The following RECQL5 variants were observed in gnomAD, a reference collection of about 807,000 sequenced individuals.
RECQL5 encodes the protein ATP-dependent DNA helicase Q5.
A neutral mutation model predicts 103.4 loss-of-function variants in RECQL5; 88 were observed. The observed-to-expected ratio is 0.85, with a 90% CI of 0.72 to 1.02. The LOEUF is 1.02. RECQL5 is among the 50% of genes least tolerant of loss of function. The pLI is 0.00. For missense variants in RECQL5, 1,232 were observed against 1,284.3 expected (o/e 0.96, Z 0.62); for synonymous variants, 552 against 507.9 (o/e 1.09, Z -1.17).
At chr17:75,654,021 A>G (rs1453526369) in intron 7 of RECQL5, among the ~76,000 whole-genome samples, 1 of 152,150 alleles carries the variant, frequency 6.6e-6, no homozygotes. Context: ...AATACACACA[A>G]ATACACACAG....
intron 7 of RECQL5, 41 bp downstream of exon 7, chr17:75,658,257 G>T: frequency 6.3e-7 from 1 of 1,591,862 alleles, no homozygotes; most frequent in South Asian, 1.1e-5. Flanking sequence ...ACTGGAGAGT[G>T]GTGGGTCAGA....
chr17:75,659,880 C>T (rs973852108), intron 6 of RECQL5, among the ~76,000 whole-genome samples: 2 of 152,174 alleles, frequency 1.3e-5, no homozygotes, highest in African/African-American at 4.8e-5. Context: ...ATATAAAAGA[C>T]TTCCTATTAG....
intron 2 of RECQL5, among the ~76,000 whole-genome samples, chr17:75,665,969 A>C (rs2059771806): frequency 6.6e-6 from 1 of 152,214 alleles, no homozygotes; most frequent in African/African-American, 2.4e-5. Context: ...CAAGGGAATT[A>C]CCTAGGAGGC....
intron 12 of RECQL5, 23 bp from the exon 13 acceptor site, chr17:75,630,715 G>A (rs1268258743): frequency 1.9e-6 from 3 of 1,611,070 alleles, no homozygotes; most frequent in Non-Finnish European, 2.5e-6. Flanking sequence ...AGTGAGACTG[G>A]TCGCATGGCC....
chr17:75,642,497 G>A (rs1169797029), intron 8 of RECQL5, among the ~76,000 whole-genome samples: 1 of 152,184 alleles, frequency 6.6e-6, no homozygotes, highest in Non-Finnish European at 1.5e-5. Flanking sequence ...TCACTTTCTA[G>A]TGTCCACGGA....
intron 4 of RECQL5, 71 bp from the exon 5 acceptor site, chr17:75,661,779 T>G: frequency 8.7e-7 from 1 of 1,149,124 alleles, no homozygotes; most frequent in Non-Finnish European, 1.3e-6. Flanking sequence ...TAATGCACCC[T>G]GCTCTAAAAG....
Position 75,630,813 on chromosome 17 carries a change from G to C in RECQL5, c.1610C>G (p.Ala537Gly), listed in dbSNP as rs1002013514. 7.4e-7 allele frequency: 1 copy of C among 1,343,010 alleles called. No homozygotes were observed. Among genetic ancestry groups the C allele is most frequent in the Non-Finnish European group, 9.9e-7 (1 of 1,006,422 alleles). 83.2% of individuals were successfully genotyped at this position (1,343,010 alleles called of 1,614,324 possible). Reference sequence around the variant, plus strand: ...CAGCCTGGGGATCCTCCTGCTAGAAGCCTCTTTCAGGGGACAGTTCTCATC... The same window carrying C: ...CAGCCTGGGGATCCTCCTGCTAGAACCCTCTTTCAGGGGACAGTTCTCATC... ...PPDENCPLKE[A>G]SSRRIPRLTV... The change falls in exon 12 of 20, where the codon GCT (alanine) becomes GGT (glycine). Residue 537 changes from alanine (A) to glycine (G), a missense_variant. By Grantham distance (60) the Ala-to-Gly change is moderately conservative. Coordinates refer to ENST00000317905, the MANE Select transcript of RECQL5 (RefSeq NM_004259.7).
At chr17:75,663,103 C>A (rs2059720846) in intron 3 of RECQL5, 106 bp from the exon 4 acceptor site, 1 of 1,080,848 alleles carries the variant, frequency 9.3e-7, no homozygotes, top group Non-Finnish European at 1.3e-6. Context: ...TCCCACCCTC[C>A]AATATATATT....
rs889374017 is a variant in RECQL5, at chr17:75,656,821, T to G, written c.1149+1477A>C. Among the ~76,000 whole-genome samples, 7 of 149,758 alleles carry G rather than the reference T, an allele frequency of 4.7e-5. 1 individual carries two copies. The highest frequency in any genetic ancestry group is 1.5e-4 in the African/African-American group (6 of 40,624). On this transcript the variant is annotated intron_variant, in intron 7 of 19. Coordinates refer to ENST00000317905, the MANE Select transcript of RECQL5 (RefSeq NM_004259.7). ...GTGCAGAGGCGTGATCTCGGCTCAC[T>G]GCAAGCTCTGCCTCCTGGGTTCACG...
chr17:75,657,945 G>A (rs2059647908), intron 7 of RECQL5, among the ~76,000 whole-genome samples: 1 of 152,004 alleles, frequency 6.6e-6, no homozygotes, highest in African/African-American at 2.4e-5. Context: ...TTACTCAGGA[G>A]GCTGAGGCAG....
intron 3 of RECQL5, among the ~76,000 whole-genome samples, chr17:75,664,750 T>C (rs1259502092): frequency 6.6e-6 from 1 of 151,332 alleles, no homozygotes; most frequent in African/African-American, 2.4e-5. Flanking sequence ...TCATCTCTAC[T>C]AAAAATACAA....
In RECQL5 at chr17:75,662,933, G is replaced by A; in HGVS notation, c.317C>T (p.Ala106Val). Reference protein sequence around the residue: ...RVSSLNSKLSAQERKELLADL... With the variant: ...RVSSLNSKLSVQERKELLADL... ...AGCAAGCAGCTCCTTCCTTTCCTGT[G>A]CAGAGAGCTTCGAGTTCAGGGAACT... Residue 106 changes from alanine to valine, a missense_variant, in exon 4 of 20, where the codon GCA becomes GTA. Coordinates refer to ENST00000317905, the MANE Select transcript of RECQL5 (RefSeq NM_004259.7). 5 of 1,614,072 alleles carry A rather than the reference G, an allele frequency of 3.1e-6. No homozygotes were observed. The highest frequency in any genetic ancestry group is 4.2e-6 in the Non-Finnish European group (5 of 1,180,000).
rs374661348 is a variant in RECQL5, at chr17:75,662,985, G to C, written c.265C>G (p.His89Asp). 3.1e-6 allele frequency: 5 copies of C among 1,599,636 alleles called. No homozygotes were observed. Among genetic ancestry groups the C allele is most frequent in the Non-Finnish European group, 4.3e-6 (5 of 1,172,462 alleles). The change falls in exon 4 of 20, where the codon CAC becomes GAC. Residue 89 changes from histidine (H) to aspartate (D), a missense_variant. Physicochemically the swap from His to Asp is moderately conservative, Grantham distance 81. Transcript: ENST00000317905. ...LIALIQDQVD[H>D]LLTLKVRVSS... is the part of the protein sequence containing the mutation. ...ACTCGTACCTTTAGGGTTAGCAAGT[G>C]GTCCACTTGGTCCTAAGAGAAGAGA...
chr17:75,658,518 G>C (rs749196587), intron 6 of RECQL5, 58 bp from the exon 7 acceptor site: 55 of 1,551,332 alleles, frequency 3.5e-5, no homozygotes, highest in Non-Finnish European at 4.4e-5. Flanking sequence ...GTGTCCTTTG[G>C]AGGAGTAATC....
intron 8 of RECQL5, chr17:75,647,653 G>A: frequency 7.8e-7 from 1 of 1,275,286 alleles, no homozygotes; most frequent in Non-Finnish European, 1.1e-6. Flanking sequence ...GGTTCCCTCT[G>A]GCTCAGGGGC....
In RECQL5 at chr17:75,636,695, C is replaced by T. The variant is rs1322999701; in HGVS notation, c.1230-5027G>A. On this transcript the variant is annotated intron_variant, in intron 8 of 19. Transcript: ENST00000317905. The surrounding 1 kb of genome is among the most constrained non-coding windows in gnomAD (Gnocchi z 5.4). ...TTTAGAGAACAGGACCCCTCAGCTC[C>T]CCCACCTGCGCCATGAAGGTTCAGT... 1 of 152,326 alleles carries T rather than the reference C, an allele frequency of 6.6e-6. No homozygotes were observed. The highest frequency in any genetic ancestry group is 1.5e-5 in the Non-Finnish European group (1 of 68,124). 9.4% of individuals were successfully genotyped at this position (152,326 alleles called of 1,614,324 possible).
rs527721770 is a variant in RECQL5, at chr17:75,640,743, C to G, written c.1230-9075G>C. ...GTTTCTCTGGGAGGAGGGTGGGCAT[C>G]CTTTCTCTCCCCCAACCTGAGTCCC... On this transcript the variant is annotated intron_variant, in intron 8 of 19. Coordinates refer to ENST00000317905, the MANE Select transcript of RECQL5 (RefSeq NM_004259.7). The surrounding 1 kb of genome is among the most constrained non-coding windows in gnomAD (Gnocchi z 4.6). 2.6e-6 allele frequency: 4 copies of G among 1,530,552 alleles called. No individual in the cohort carries two copies. In the African/African-American group the frequency reaches 5.5e-5, roughly 21 times the overall value. 94.8% of individuals were successfully genotyped at this position (1,530,552 alleles called of 1,614,324 possible).
At chr17:75,649,522 A>T in intron 8 of RECQL5, 2 of 560,522 alleles carry the variant, frequency 3.6e-6, no homozygotes, top group Non-Finnish European at 4.5e-6. Context: ...AGCCCACCCC[A>T]CTAGCTCTGT....
Position 75,661,210 on chromosome 17 carries a change from G to A in RECQL5, c.875-144C>T, listed in dbSNP as rs1015052458. 30 of 676,200 alleles carry A rather than the reference G, an allele frequency of 4.4e-5. 1 individual carries two copies. The Middle Eastern group carries it at 1.1e-3, about 24-fold the overall frequency. 41.9% of individuals were successfully genotyped at this position (676,200 alleles called of 1,614,324 possible). A position where few individuals can be genotyped will look rare whatever the true frequency, so the allele number is the denominator to read the frequency against. ...CAGCTGTCTGACCTTAACATCAGGC[G>A]CTTAACTTTACTGAGCCTCAGCTGA... On this transcript the variant is annotated intron_variant, in intron 5 of 19. Transcript: ENST00000317905.
Sources: gnomAD v4.1 joint callset for allele counts (sites outside exome capture counted in the v4.1 genomes callset) on GRCh38, gnomAD v4.1.1 for gene constraint, Gnocchi (gnomAD v3.1) non-coding constraint, MANE v1.5 for transcripts, NCBI Gene and HGNC (gene_info 2026-07-23, HGNC 2026-07-21) for gene names.